Variants in LAMP2 observed in about 807,000 individuals in gnomAD.
LAMP2 encodes the protein lysosome associated membrane protein 2.
LAMP2 carries 4 observed loss-of-function variants against 25.6 expected under a neutral mutation model. The observed-to-expected ratio is 0.16, with a 90% confidence interval of 0.08 to 0.36. The LOEUF is 0.36. LAMP2 is among the 10% of genes least tolerant of loss of function. LAMP2 has a pLI of 1.00. For synonymous variants in LAMP2, 108 were observed against 112.7 expected, an observed-to-expected ratio of 0.96 and a Z score of 0.27; for missense variants, 272 against 301.4, an observed-to-expected ratio of 0.90 and a Z score of 0.72.
chrX:120,456,572 T>C, intron 2 of LAMP2, 79 bp downstream of exon 2: 1 of 488,074 alleles, frequency 2.0e-6, no homozygotes, highest in East Asian at 3.9e-5. Flanking sequence ...GGAATTTCAT[T>C]TGTATACGTG....
intron 1 of LAMP2, among the ~76,000 whole-genome samples, chrX:120,467,179 T>G (rs1483833260): frequency 2.8e-5 from 3 of 108,554 alleles, no homozygotes; most frequent in East Asian, 5.8e-4. Flanking sequence ...ATTCCGAAGT[T>G]TTGATTTCAC....
rs2748 is a variant in LAMP2, at chrX:120,426,285, T to C, written c.*5038A>G. On this transcript the variant is annotated 3_prime_UTR_variant, in exon 9 of 9. Transcript: ENST00000200639. ...CTCTAAATCGATACATCCAAAACTTTAGTTAGCAGCAAGCATCAGTTCTTC... is the reference window on the plus strand; with the variant it reads ...CTCTAAATCGATACATCCAAAACTTCAGTTAGCAGCAAGCATCAGTTCTTC... Among the ~76,000 whole-genome samples, 29,899 of 102,290 alleles carry C rather than the reference T, an allele frequency of 0.29. 4,018 individuals carry two copies. The highest frequency in any genetic ancestry group is 0.4 in the Middle Eastern group (85 of 215). 88.8% of individuals were successfully genotyped at this position (102,290 alleles called of 115,157 possible).
intron 1 of LAMP2, among the ~76,000 whole-genome samples, chrX:120,457,061 A>AAG (rs1921127028): frequency 9.0e-6 from 1 of 111,388 alleles, no homozygotes; most frequent in African/African-American, 3.3e-5. Flanking sequence ...TAGGATGCTT[A>AAG]GGTCATGGCT....
At position 120,428,332 on chromosome X, in the gene LAMP2, T is replaced by C. The variant is rs1018459771; in HGVS notation, c.*2991A>G. 2.9e-6 allele frequency: 2 copies of C among 689,642 alleles called. No individual in the cohort carries two copies. The highest frequency in any genetic ancestry group is 5.7e-4 in the Middle Eastern group (1 of 1,747). 56.8% of individuals were successfully genotyped at this position (689,642 alleles called of 1,213,427 possible). A position where few individuals can be genotyped will look rare whatever the true frequency, so the allele number is the denominator to read the frequency against. ...AAATTGGTCCTAATATATTTTGTCT[T>C]AAATAAGTGTACTCATGCCCAAGTT... On this transcript the variant is annotated 3_prime_UTR_variant, in exon 9 of 9. Transcript: ENST00000200639.
chrX:120,454,429 C>T (rs1329677767), intron 3 of LAMP2, among the ~76,000 whole-genome samples: 1 of 110,278 alleles, frequency 9.1e-6, no homozygotes, highest in East Asian at 2.8e-4. Context: ...CTCCTAGTCT[C>T]AGGTTACTTA....
rs766940404 is a variant in LAMP2, at chrX:120,467,755, ATTGAT to A, written c.64+1346_64+1350del. 1.6e-4 allele frequency among the ~76,000 whole-genome samples: 18 copies of A among 111,417 alleles called. No individual in the cohort carries two copies. The East Asian group carries it at 5.1e-3, about 31-fold the overall frequency. On this transcript the variant is annotated intron_variant, in intron 1 of 8. Transcript: ENST00000200639. ...CGAACATTCACCCAGCCATTTATTTATTGATTTATTTATTTTTATTTTTTGAGACA... is the reference window on the plus strand; with the variant it reads ...CGAACATTCACCCAGCCATTTATTTATTATTTATTTTTATTTTTTGAGACA...
Position 120,438,300 on chromosome X carries a change from T to C in LAMP2, c.1093+3430A>G, listed in dbSNP as rs766114041. ...AAGGCTAAAGAGAAATCTGCATTAA[T>C]TTTAGTACTGCATACAGAGGCCAAT... On this transcript the variant is annotated intron_variant, in intron 8 of 8. Coordinates refer to ENST00000200639, the MANE Select transcript of LAMP2 (RefSeq NM_002294.3). 8.0e-5 allele frequency: 60 copies of C among 752,338 alleles called. No individual in the cohort carries two copies. In the South Asian group the frequency reaches 3.7e-3, roughly 47 times the overall value. 62.0% of individuals were successfully genotyped at this position (752,338 alleles called of 1,213,427 possible).
At chrX:120,437,172 G>C in intron 8 of LAMP2, 1 of 750,388 alleles carries the variant, frequency 1.3e-6, no homozygotes, top group Non-Finnish European at 1.6e-6. Context: ...ATCTGATCTT[G>C]AGCCATAAAG....
At chrX:120,436,170 A>ACACACACACTCTCTCTCT (rs1251901451) in intron 8 of LAMP2, among the ~76,000 whole-genome samples, 1 of 57,305 alleles carries the variant, frequency 1.7e-5, no homozygotes, top group African/African-American at 5.0e-5. Context: ...ACACACACAC[A>ACACACACACTCTCTCTCT]CTCTCTCTCT....
intron 6 of LAMP2, 33 bp from the exon 7 acceptor site, chrX:120,442,695 T>A (rs766838552): frequency 9.5e-7 from 1 of 1,056,547 alleles, no homozygotes; most frequent in Non-Finnish European, 1.3e-6. Flanking sequence ...TTAATTAACA[T>A]TTCACAACTG....
chrX:120,437,708 TG>T lies in LAMP2; in HGVS notation c.1093+4021del, dbSNP rs1481807112. 6.7e-6 allele frequency: 5 copies of T among 745,378 alleles called. No homozygotes were observed. The East Asian group carries it at 7.6e-4, about 113-fold the overall frequency. The allele number at this position is 745,378 out of a possible 1,213,427, so 61.4% of individuals were successfully genotyped here. On this transcript the variant is annotated intron_variant, in intron 8 of 8. Coordinates refer to ENST00000200639, the MANE Select transcript of LAMP2 (RefSeq NM_002294.3). ...TAATGAATAATAACAACGAAAGTTT[TG>T]ATTAGCACAGAACCATTTAAATGTG...
In LAMP2 at chrX:120,469,272, C is replaced by A; in HGVS notation, c.-103G>T. ...GGACCTGGGTCAAGAGCACTGATGA[C>A]CACCGACCACAGCCTTGCAAAAGCC... On this transcript the variant is annotated 5_prime_UTR_variant, in exon 1 of 9. Coordinates refer to ENST00000200639, the MANE Select transcript of LAMP2 (RefSeq NM_002294.3). The A allele has an allele frequency of 1.2e-6, 1 of 805,062 alleles. No homozygotes were observed. The highest frequency in any genetic ancestry group is 3.3e-5 in the East Asian group (1 of 30,589). 66.3% of individuals were successfully genotyped at this position (805,062 alleles called of 1,213,427 possible).
At chrX:120,462,844 T>G (rs1434654835) in intron 1 of LAMP2, among the ~76,000 whole-genome samples, 1 of 112,105 alleles carries the variant, frequency 8.9e-6, no homozygotes, top group Non-Finnish European at 1.9e-5. Context: ...AAGTTACCCT[T>G]GTTTAGAATT....
chrX:120,444,674 C>T (rs184153171), intron 6 of LAMP2, among the ~76,000 whole-genome samples: 96 of 112,057 alleles, frequency 8.6e-4, no homozygotes, highest in Non-Finnish European at 1.6e-3. Flanking sequence ...CCTACAGAAT[C>T]GAGTTCAAAA....
intron 7 of LAMP2, among the ~76,000 whole-genome samples, chrX:120,442,155 T>C (rs1456753234): frequency 9.5e-6 from 1 of 105,639 alleles, no homozygotes; most frequent in Non-Finnish European, 1.9e-5. Flanking sequence ...AGGTGGGTAG[T>C]TGGCTTGAAC....
rs867143823 is a variant in LAMP2 at position 120,436,174 on chromosome X, T to C, written c.1094-4712A>G. On this transcript the variant is annotated intron_variant, in intron 8 of 8. Transcript: ENST00000200639. ...CACACACACACACACACACACACTCTCTCTCTCTCTCTCTGTCTCTCTCTC... is the reference window on the plus strand; with the variant it reads ...CACACACACACACACACACACACTCCCTCTCTCTCTCTCTGTCTCTCTCTC... Among the ~76,000 whole-genome samples, 11 of 102,701 alleles carry C rather than the reference T, an allele frequency of 1.1e-4. No homozygotes were observed. In the South Asian group the frequency reaches 4.0e-3, roughly 38 times the overall value. The allele number at this position is 102,701 out of a possible 115,157, so 89.2% of individuals were successfully genotyped here. A position where few individuals can be genotyped will look rare whatever the true frequency, so the allele number is the denominator to read the frequency against.
At chrX:120,454,967 A>ATATG in intron 3 of LAMP2, among the ~76,000 whole-genome samples, 1 of 101,938 alleles carries the variant, frequency 9.8e-6, no homozygotes, top group African/African-American at 3.6e-5. Flanking sequence ...ACACACTAGG[A>ATATG]TATATATATA....
Position 120,439,296 on chromosome X carries a change from G to A in LAMP2, c.1093+2434C>T, listed in dbSNP as rs2147277547. On this transcript the variant is annotated intron_variant, in intron 8 of 8. Coordinates refer to ENST00000200639, the MANE Select transcript of LAMP2 (RefSeq NM_002294.3). ...ATCATCCAGCGAACACTCTTGGGCT[G>A]TAGGTGAGAAAAAGTGTGTAATAAA... 8.3e-7 allele frequency: 1 copy of A among 1,199,920 alleles called. No individual in the cohort carries two copies. The highest frequency in any genetic ancestry group is 1.7e-5 in the African/African-American group (1 of 57,598).
At chrX:120,437,412 C>T (rs776493190) in intron 8 of LAMP2, 1 of 472,736 alleles carries the variant, frequency 2.1e-6, no homozygotes, top group African/African-American at 3.0e-5. Context: ...AATCCCACCA[C>T]AAAAAAAAAA....
Sources: gnomAD v4.1 joint callset for allele counts (sites outside exome capture counted in the v4.1 genomes callset) on GRCh38, gnomAD v4.1.1 for gene constraint, MANE v1.5 for transcripts, NCBI Gene and HGNC (gene_info 2026-07-23, HGNC 2026-07-21) for gene names.